Variants in VPS13B observed in about 807,000 individuals in gnomAD.
The protein encoded by VPS13B is intermembrane lipid transfer protein VPS13B.
In VPS13B, 285 loss-of-function variants were observed where a neutral mutation model predicts 426.4. The ratio of observed to expected loss-of-function variants is 0.67; its 90% CI spans 0.61 to 0.74. The LOEUF is 0.74. VPS13B is among the 30% of genes least tolerant of loss of function. The pLI, the probability that VPS13B is intolerant of heterozygous loss-of-function variation, is 0.00. For missense variants in VPS13B, 4,537 were observed against 4,782.6 expected, an observed-to-expected ratio of 0.95 and a Z score of 1.51; for synonymous variants, 1,676 against 1,676.4, an observed-to-expected ratio of 1.00 and a Z score of 0.01.
chr8:99,790,425 C>T (rs773496172), intron 43 of VPS13B, among the ~76,000 whole-genome samples: 2 of 152,116 alleles, frequency 1.3e-5, no homozygotes, highest in South Asian at 2.1e-4. Flanking sequence ...TTACTTATTG[C>T]GTTTAAATAT....
chr8:99,617,668 C>T (rs1828154811), intron 33 of VPS13B, among the ~76,000 whole-genome samples: 1 of 152,162 alleles, frequency 6.6e-6, no homozygotes, highest in African/African-American at 2.4e-5. Context: ...TGTTTTAACA[C>T]ATAACTTGCT....
At chr8:99,121,780 T>G in intron 8 of VPS13B, 2 of 243,836 alleles carry the variant, frequency 8.2e-6, no homozygotes, top group Non-Finnish European at 1.5e-5. Flanking sequence ...GTGAATTCTT[T>G]TACCTGTCAG....
chr8:99,024,408 T>A (rs561193195), intron 2 of VPS13B, among the ~76,000 whole-genome samples: 1 of 152,368 alleles, frequency 6.6e-6, no homozygotes, highest in East Asian at 1.9e-4. Context: ...CTCTTATGTT[T>A]TCTTCTAGTA....
At chr8:99,108,026 A>G (rs1847137983) in intron 5 of VPS13B, among the ~76,000 whole-genome samples, 1 of 152,062 alleles carries the variant, frequency 6.6e-6, no homozygotes, top group Non-Finnish European at 1.5e-5. Context: ...AGGCCTTGGT[A>G]TTTATTGTTG....
At chr8:99,792,232 C>G (rs1338056170) in intron 43 of VPS13B, among the ~76,000 whole-genome samples, 1 of 152,000 alleles carries the variant, frequency 6.6e-6, no homozygotes, top group African/African-American at 2.4e-5. Flanking sequence ...AAAACATGTA[C>G]AATGTCCATA....
At chr8:99,517,441 C>A (rs912433072) in intron 29 of VPS13B, among the ~76,000 whole-genome samples, 8 of 152,060 alleles carry the variant, frequency 5.3e-5, no homozygotes, top group African/African-American at 1.9e-4. Context: ...AAGATGAAAT[C>A]TTTCAGGCTT....
chr8:99,077,313 C>T (rs565067592), intron 3 of VPS13B, among the ~76,000 whole-genome samples: 38 of 152,208 alleles, frequency 2.5e-4, no homozygotes, highest in African/African-American at 8.4e-4. Context: ...ACTGGGATTA[C>T]AGGAACGTGC....
At position 99,511,190 on chromosome 8, in the gene VPS13B, C is replaced by T; in HGVS notation, c.4311C>T (p.Arg1437=). 1 of 1,614,044 alleles carries T rather than the reference C, an allele frequency of 6.2e-7. No homozygotes were observed. Among genetic ancestry groups the T allele is most frequent in the Non-Finnish European group, 8.5e-7 (1 of 1,179,994 alleles). ...TYTKAVTKNV[R]HKLTSRNERR... ...CAAAAGCTGTAACAAAAAATGTCCG[C>T]CACAAGTTAACATCAAGAAATGAGC... Residue 1437 remains arginine (R), a synonymous_variant, in exon 29 of 62, where the codon CGC becomes CGT. Coordinates refer to ENST00000357162, the MANE Select transcript of VPS13B (RefSeq NM_152564.5).
chr8:99,020,645 C>G (rs1005949609), intron 2 of VPS13B, among the ~76,000 whole-genome samples: 1 of 152,148 alleles, frequency 6.6e-6, no homozygotes, highest in South Asian at 2.1e-4. Context: ...CAACCTTTCT[C>G]TCTTTTTTTA....
chr8:99,785,339 C>A (rs1812206976), intron 43 of VPS13B, among the ~76,000 whole-genome samples: 1 of 152,080 alleles, frequency 6.6e-6, no homozygotes, highest in Admixed American at 6.6e-5. Flanking sequence ...GTCTCTAGAC[C>A]AGCATCAGAA....
intron 17 of VPS13B, among the ~76,000 whole-genome samples, chr8:99,270,840 A>G (rs1273185473): frequency 6.6e-6 from 1 of 152,150 alleles, no homozygotes; most frequent in Admixed American, 6.6e-5. Context: ...CTCATCATCT[A>G]ACATAGTGAT....
chr8:99,772,326 G>A (rs1263430441), intron 40 of VPS13B, among the ~76,000 whole-genome samples: 1 of 151,854 alleles, frequency 6.6e-6, no homozygotes, highest in Non-Finnish European at 1.5e-5. Flanking sequence ...GGTTACAACT[G>A]GAATTTTTTT....
intron 5 of VPS13B, among the ~76,000 whole-genome samples, chr8:99,110,856 G>A (rs951485353): frequency 6.6e-6 from 1 of 151,718 alleles, no homozygotes; most frequent in African/African-American, 2.4e-5. Context: ...AACTAATTAG[G>A]TCTCTGATTC....
At chr8:99,870,507 T>A (rs1336200802) in intron 59 of VPS13B, among the ~76,000 whole-genome samples, 1 of 152,210 alleles carries the variant, frequency 6.6e-6, no homozygotes, top group Non-Finnish European at 1.5e-5. Flanking sequence ...AGGCTATTGT[T>A]CATGACCAGC....
At chr8:99,596,710 C>T (rs749592489) in intron 33 of VPS13B, among the ~76,000 whole-genome samples, 5 of 152,028 alleles carry the variant, frequency 3.3e-5, no homozygotes, top group Non-Finnish European at 5.9e-5. Context: ...TTAGCCATGT[C>T]GTCACACCCA....
chr8:99,697,698 G>A (rs1376116979), intron 35 of VPS13B: 1 of 636,668 alleles, frequency 1.6e-6, no homozygotes, highest in African/African-American at 1.8e-5. Flanking sequence ...TCTCACACCT[G>A]GAGATGGACC....
intron 17 of VPS13B, 118 bp downstream of exon 17, chr8:99,193,175 G>C: frequency 9.6e-7 from 1 of 1,037,264 alleles, no homozygotes; most frequent in Non-Finnish European, 1.4e-6. Context: ...ATGTTTCTTT[G>C]AATGTAGATA....
chr8:99,196,452 A>G, intron 17 of VPS13B, among the ~76,000 whole-genome samples: 1 of 144,160 alleles, frequency 6.9e-6, no homozygotes, highest in Non-Finnish European at 1.5e-5. Flanking sequence ...AAGTTTTTGG[A>G]TGGAGTCTTT....
At chr8:99,064,347 C>T (rs534042840) in intron 3 of VPS13B, among the ~76,000 whole-genome samples, 49 of 152,166 alleles carry the variant, frequency 3.2e-4, no homozygotes, top group Non-Finnish European at 6.3e-4. Context: ...TGCAAGGAAG[C>T]TAAAAACCTT....
Sources: gnomAD v4.1 joint callset for allele counts (sites outside exome capture counted in the v4.1 genomes callset) on GRCh38, gnomAD v4.1.1 for gene constraint, MANE v1.5 for transcripts, NCBI Gene and HGNC (gene_info 2026-07-23, HGNC 2026-07-21) for gene names.